The following FRMD5 variants were observed in gnomAD, a reference collection of about 807,000 sequenced individuals.
FRMD5 encodes FERM domain-containing protein 5.
A neutral mutation model predicts 69.0 loss-of-function variants in FRMD5; 20 were observed. The ratio of observed to expected loss-of-function variants is 0.29; its 90% confidence interval spans 0.20 to 0.42. The LOEUF (loss-of-function observed/expected upper bound fraction) is 0.42, where lower values mean the gene tolerates loss of function less well. Among genes scored for constraint, FRMD5 ranks in the 10% least tolerant of loss-of-function variants. The probability of loss-of-function intolerance (pLI) is 1.00; values close to 1 mark genes in which losing one functional copy is unlikely to be tolerated. For missense variants in FRMD5, 595 were observed against 708.6 expected (o/e 0.84, Z 1.82); for synonymous variants, 271 against 260.1 (o/e 1.04, Z -0.40).
At chr15:44,002,770 C>T (rs1055437549) in intron 1 of FRMD5, among the ~76,000 whole-genome samples, 1 of 152,170 alleles carries the variant, frequency 6.6e-6, no homozygotes, top group African/African-American at 2.4e-5. Flanking sequence ...CGGCGCGGGG[C>T]TGTCTGCCTG....
At chr15:44,152,798 A>T (rs756741092) in intron 1 of FRMD5, among the ~76,000 whole-genome samples, 1 of 152,158 alleles carries the variant, frequency 6.6e-6, no homozygotes, top group Non-Finnish European at 1.5e-5. Context: ...TTGGCTGTTT[A>T]TCTTTTTCTT....
chr15:43,978,018 AAAACTTTATTATAAAAACCTCCCTATAG>A (rs1248390892), intron 1 of FRMD5, among the ~76,000 whole-genome samples: 48 of 152,216 alleles, frequency 3.2e-4, no homozygotes, highest in Middle Eastern at 3.4e-3. Flanking sequence ...CTTTATTATA[AAAACTTTATTATAAAAACCTCCCTATAG>A]AAACTTTATT....
intron 1 of FRMD5, among the ~76,000 whole-genome samples, chr15:43,998,398 C>G (rs1243243748): frequency 6.6e-6 from 1 of 152,168 alleles, no homozygotes; most frequent in African/African-American, 2.4e-5. Flanking sequence ...GATGGCAAAT[C>G]TCTGCACAGG....
intron 1 of FRMD5, among the ~76,000 whole-genome samples, chr15:44,137,097 G>T (rs58882193): frequency 0.03 from 4,546 of 152,314 alleles, 189 homozygotes; most frequent in African/African-American, 0.094. Context: ...GGAGGAGGAG[G>T]TTATAAGCTA....
intron 1 of FRMD5, among the ~76,000 whole-genome samples, chr15:44,045,021 C>T (rs576577178): frequency 6.6e-6 from 1 of 152,274 alleles, no homozygotes; most frequent in African/African-American, 2.4e-5. Context: ...CCTCTGAGTT[C>T]CCCATAAATA....
Position 44,104,085 on chromosome 15 carries a change from G to A in FRMD5, c.102+90868C>T, listed in dbSNP as rs373480722. On this transcript the variant is annotated intron_variant, in intron 1 of 13. Transcript: ENST00000417257. ...TTATTTCCCCTGAAGACCTTCCAGT[G>A]GGACAAGATATGGAGATTGAAGACA... Among the ~76,000 whole-genome samples the A allele has an allele frequency of 5.9e-5, 9 of 152,250 alleles. No individual in the cohort carries two copies. The East Asian group carries it at 1.7e-3, about 29-fold the overall frequency.
chr15:44,183,507 C>A (rs1349813584), intron 1 of FRMD5, among the ~76,000 whole-genome samples: 1 of 152,074 alleles, frequency 6.6e-6, no homozygotes, highest in Admixed American at 6.6e-5. Context: ...AGTTAGTGGC[C>A]CGTCCAGCAG....
chr15:44,055,499 ATAC>A, intron 1 of FRMD5, among the ~76,000 whole-genome samples: 1 of 152,190 alleles, frequency 6.6e-6, no homozygotes, highest in Non-Finnish European at 1.5e-5. Context: ...AACTGACACT[ATAC>A]TATCAACATA....
chr15:44,092,456 C>G (rs1349123460), intron 1 of FRMD5, among the ~76,000 whole-genome samples: 1 of 152,180 alleles, frequency 6.6e-6, no homozygotes, highest in Non-Finnish European at 1.5e-5. Flanking sequence ...AGACACTGTG[C>G]TAGACTCTAA....
chr15:44,027,395 G>A (rs1891474627), intron 1 of FRMD5, among the ~76,000 whole-genome samples: 1 of 152,066 alleles, frequency 6.6e-6, no homozygotes, highest in East Asian at 1.9e-4. Flanking sequence ...TATGTAACAT[G>A]GAATATTTGG....
Position 43,902,030 on chromosome 15 carries a change from A to C in FRMD5, c.639+145T>G. On this transcript the variant is annotated intron_variant, in intron 7 of 13. Coordinates refer to ENST00000417257, the MANE Select transcript of FRMD5 (RefSeq NM_032892.5). ...AGCATGTGATCCAGAGGAGTTTTCA[A>C]AGCAGGCATTTTCTCTGATATCTCA... The C allele has an allele frequency of 1.3e-5, 9 of 675,432 alleles. No homozygotes were observed. The South Asian group carries it at 1.6e-4, about 12-fold the overall frequency. 41.8% of individuals were successfully genotyped at this position (675,432 alleles called of 1,614,324 possible).
At chr15:43,915,129 T>A (rs1313610257) in intron 4 of FRMD5, among the ~76,000 whole-genome samples, 1 of 152,202 alleles carries the variant, frequency 6.6e-6, no homozygotes, top group East Asian at 1.9e-4. Flanking sequence ...AACCTGGGAT[T>A]TGAAGCCAGC....
chr15:43,953,510 T>A (rs2090069175), intron 1 of FRMD5, among the ~76,000 whole-genome samples: 1 of 152,194 alleles, frequency 6.6e-6, no homozygotes, highest in Admixed American at 6.5e-5. Context: ...AAATGAAGAA[T>A]CACTACTGTT....
chr15:44,027,278 T>C (rs1358749150), intron 1 of FRMD5, among the ~76,000 whole-genome samples: 3 of 152,126 alleles, frequency 2.0e-5, no homozygotes, highest in Non-Finnish European at 4.4e-5. Flanking sequence ...TCCATAACGA[T>C]GGTCACTTCT....
intron 5 of FRMD5, among the ~76,000 whole-genome samples, chr15:43,909,310 G>T (rs1205755210): frequency 6.6e-6 from 1 of 151,644 alleles, no homozygotes; most frequent in African/African-American, 2.4e-5. Flanking sequence ...TGAGACAGAA[G>T]AATAGCTTGA....
chr15:44,023,010 G>A (rs897788956), intron 1 of FRMD5, among the ~76,000 whole-genome samples: 1 of 152,188 alleles, frequency 6.6e-6, no homozygotes, highest in Non-Finnish European at 1.5e-5. Flanking sequence ...AAATTTGAAG[G>A]AGAAGAAATG....
intron 1 of FRMD5, among the ~76,000 whole-genome samples, chr15:44,125,178 G>A (rs2615285): frequency 0.83 from 125,916 of 151,992 alleles, 54,799 homozygotes; most frequent in Non-Finnish European, 0.95. Flanking sequence ...GGTTCATGCC[G>A]ATAATCCCAG....
chr15:43,944,173 CACTGCATCTGGCAAGA>C (rs1293929168), intron 1 of FRMD5, among the ~76,000 whole-genome samples: 2 of 152,160 alleles, frequency 1.3e-5, no homozygotes, highest in Non-Finnish European at 2.9e-5. Flanking sequence ...AAGGTTAAGG[CACTGCATCTGGCAAGA>C]GCCTTCTTGC....
rs1305570427 is a variant in FRMD5, at chr15:43,873,290, C to T, written c.*595G>A. On this transcript the variant is annotated 3_prime_UTR_variant, in exon 14 of 14. Coordinates refer to ENST00000417257, the MANE Select transcript of FRMD5 (RefSeq NM_032892.5). ...CAGACCATCATAAGAAGCAACTTTC[C>T]ATTTAATCATTCTACATGGATGTTT... 2.0e-6 allele frequency: 3 copies of T among 1,534,438 alleles called. No homozygotes were observed. Among genetic ancestry groups the T allele is most frequent in the Admixed American group, 4.3e-5 (2 of 46,672 alleles).
Sources: allele counts gnomAD v4.1 joint callset (sites outside exome capture counted in the v4.1 genomes callset), GRCh38; gene constraint gnomAD v4.1.1; transcripts MANE v1.5; gene names NCBI Gene and HGNC (gene_info 2026-07-23, HGNC 2026-07-21).